GPATCH8: variants seen among roughly 807,000 people sequenced by gnomAD.
GPATCH8 encodes the protein G-patch domain containing 8.
GPATCH8 carries 18 observed loss-of-function variants against 118.3 expected under a neutral mutation model. The observed-to-expected ratio is 0.15, with a 90% confidence interval of 0.11 to 0.23. The LOEUF is 0.23. Ranked by LOEUF, GPATCH8 falls within the 10% of genes least tolerant of loss-of-function variation. GPATCH8 has a pLI of 1.00. For missense variants in GPATCH8, 1,631 were observed against 1,873.8 expected (o/e 0.87, Z 2.39); for synonymous variants, 659 against 684.7 (o/e 0.96, Z 0.59).
intron 1 of GPATCH8, among the ~76,000 whole-genome samples, chr17:44,497,883 G>A (rs1366426816): frequency 1.3e-5 from 2 of 151,688 alleles, no homozygotes; most frequent in Non-Finnish European, 2.9e-5. Flanking sequence ...GAGACTGCAT[G>A]AGCCAAGATC....
chr17:44,412,286 A>G (rs2049470058), intron 6 of GPATCH8, among the ~76,000 whole-genome samples: 1 of 152,178 alleles, frequency 6.6e-6, no homozygotes, highest in African/African-American at 2.4e-5. Flanking sequence ...GCTATATGGG[A>G]GGCTGAGGCA....
chr17:44,453,544 T>C (rs1018852158), intron 3 of GPATCH8, among the ~76,000 whole-genome samples: 4 of 147,658 alleles, frequency 2.7e-5, no homozygotes, highest in African/African-American at 1.0e-4. Context: ...GGCGCGCGTT[T>C]TGAGACATGC....
In GPATCH8 at chr17:44,396,966, C is replaced by A; in HGVS notation, c.*602G>T. 2.2e-6 allele frequency: 1 copy of A among 453,804 alleles called. No homozygotes were observed. Among genetic ancestry groups the A allele is most frequent in the South Asian group, 1.6e-5 (1 of 64,470 alleles). 28.1% of individuals were successfully genotyped at this position (453,804 alleles called of 1,614,324 possible). A position where few individuals can be genotyped will look rare whatever the true frequency, so the allele number is the denominator to read the frequency against. On this transcript the variant is annotated 3_prime_UTR_variant, in exon 8 of 8. Transcript: ENST00000591680. ...GATAACAGTGCCAAATGTGTGGCTCCGTTGATGTGGGAACTGGATGGAATT... is the reference window on the plus strand; with the variant it reads ...GATAACAGTGCCAAATGTGTGGCTCAGTTGATGTGGGAACTGGATGGAATT...
chr17:44,445,803 G>A (rs1208582323), intron 3 of GPATCH8: 1 of 151,990 alleles, frequency 6.6e-6, no homozygotes, highest in Non-Finnish European at 1.5e-5. Flanking sequence ...ACTGTGCCCA[G>A]CCTACATGAG....
Position 44,396,498 on chromosome 17 carries a change from A to G in GPATCH8, c.*1070T>C, listed in dbSNP as rs1183253459. The G allele has an allele frequency of 6.6e-6, 3 of 453,426 alleles. No individual in the cohort carries two copies. The highest frequency in any genetic ancestry group is 6.0e-5 in the African/African-American group (3 of 49,940). The allele number at this position is 453,426 out of a possible 1,614,324, so 28.1% of individuals were successfully genotyped here. On this transcript the variant is annotated 3_prime_UTR_variant, in exon 8 of 8. Coordinates refer to ENST00000591680, the MANE Select transcript of GPATCH8 (RefSeq NM_001002909.4). ...ATGTTTTAACATTTTATAGTTCATA[A>G]CTTCAAAAAATACATAAGTTTGGTA...
Position 44,503,373 on chromosome 17 carries a change from T to C in GPATCH8, c.-3A>G, listed in dbSNP as rs1970239422. ...AAGCGGGAGAAGCGGTCCGCCATTT[T>C]GCCGCCTTCACTCCTCTCAGGACGA... On this transcript the variant is annotated 5_prime_UTR_variant, in exon 1 of 8. Transcript: ENST00000591680. 1 of 1,608,466 alleles carries C rather than the reference T, an allele frequency of 6.2e-7. No homozygotes were observed. The highest frequency in any genetic ancestry group is 8.5e-7 in the Non-Finnish European group (1 of 1,177,644).
intron 1 of GPATCH8, among the ~76,000 whole-genome samples, chr17:44,488,652 T>C (rs1968986447): frequency 6.6e-6 from 1 of 151,666 alleles, no homozygotes; most frequent in Non-Finnish European, 1.5e-5. Context: ...ATTACAGGTG[T>C]GAGCCACCAC....
At chr17:44,408,612 G>A (rs2049317832) in intron 6 of GPATCH8, among the ~76,000 whole-genome samples, 1 of 152,100 alleles carries the variant, frequency 6.6e-6, no homozygotes, top group Non-Finnish European at 1.5e-5. Context: ...ACATGACATT[G>A]TCCAAAAGAA....
At chr17:44,439,145 G>C (rs999478400) in intron 3 of GPATCH8, among the ~76,000 whole-genome samples, 28 of 152,268 alleles carry the variant, frequency 1.8e-4, no homozygotes, top group African/African-American at 6.7e-4. Flanking sequence ...AACTCTAGGA[G>C]GCTTGGAGTA....
chr17:44,431,537 T>A (rs1391095826), intron 5 of GPATCH8, among the ~76,000 whole-genome samples: 3 of 149,868 alleles, frequency 2.0e-5, no homozygotes, highest in Non-Finnish European at 4.5e-5. Flanking sequence ...TTTCTTTATA[T>A]CTCACATATT....
intron 6 of GPATCH8, among the ~76,000 whole-genome samples, chr17:44,413,174 G>C (rs1041395787): frequency 2.6e-5 from 4 of 152,106 alleles, no homozygotes; most frequent in African/African-American, 7.2e-5. Context: ...ATTTTATTCA[G>C]TAAGAAAAAA....
chr17:44,462,305 A>G (rs1399189010), intron 3 of GPATCH8, among the ~76,000 whole-genome samples: 4 of 152,232 alleles, frequency 2.6e-5, no homozygotes, highest in South Asian at 2.1e-4. Flanking sequence ...AAGCAAATCT[A>G]GTCTTCTGAC....
intron 6 of GPATCH8, among the ~76,000 whole-genome samples, chr17:44,406,494 C>CA (rs2049225973): frequency 3.7e-4 from 1 of 2,708 alleles, no homozygotes; most frequent in East Asian, 0.014. Context: ...GTACAGCTTA[C>CA]ATGGGGGGGG....
chr17:44,501,475 A>G (rs1257071866), intron 1 of GPATCH8, among the ~76,000 whole-genome samples: 2 of 152,136 alleles, frequency 1.3e-5, no homozygotes, highest in Non-Finnish European at 2.9e-5. Flanking sequence ...TTCTTTCAAC[A>G]TATAAGCAGA....
chr17:44,485,626 C>A (rs1324259969), intron 1 of GPATCH8, among the ~76,000 whole-genome samples: 1 of 152,136 alleles, frequency 6.6e-6, no homozygotes, highest in Non-Finnish European at 1.5e-5. Context: ...TCTGGCCAGG[C>A]TACCATTCCC....
intron 3 of GPATCH8, among the ~76,000 whole-genome samples, chr17:44,464,215 C>T (rs1214232234): frequency 6.6e-6 from 1 of 152,176 alleles, no homozygotes; most frequent in Admixed American, 6.5e-5. Context: ...AAATTTAAAA[C>T]AGGCTGAGCC....
chr17:44,453,277 T>C (rs1329207255), intron 3 of GPATCH8, among the ~76,000 whole-genome samples: 1 of 152,202 alleles, frequency 6.6e-6, no homozygotes, highest in Non-Finnish European at 1.5e-5. Flanking sequence ...GACTGAGATC[T>C]GAATCCTGAT....
intron 2 of GPATCH8, among the ~76,000 whole-genome samples, chr17:44,467,577 TA>T (rs1177152281): frequency 6.6e-6 from 1 of 152,084 alleles, no homozygotes; most frequent in African/African-American, 2.4e-5. Flanking sequence ...ATAGAAACAA[TA>T]GACACATCTC....
chr17:44,436,029 C>CA (rs1157048818), intron 4 of GPATCH8, among the ~76,000 whole-genome samples: 22,687 of 41,538 alleles, frequency 0.55, 6,572 homozygotes, highest in Non-Finnish European at 0.68. Context: ...AACTCCATCT[C>CA]AAAAAAAAAA....
Sources: gnomAD v4.1 joint callset for allele counts (sites outside exome capture counted in the v4.1 genomes callset) on GRCh38, gnomAD v4.1.1 for gene constraint, MANE v1.5 for transcripts, NCBI Gene and HGNC (gene_info 2026-07-23, HGNC 2026-07-21) for gene names.